Variants in KCNH5 observed in about 807,000 individuals in gnomAD.
KCNH5 encodes potassium voltage-gated channel subfamily H member 5.
KCNH5 carries 46 observed loss-of-function variants against 96.1 expected under a neutral mutation model. The ratio of observed to expected loss-of-function variants is 0.48; its 90% CI spans 0.38 to 0.61. KCNH5 has a LOEUF of 0.61. Among genes scored for constraint, KCNH5 ranks in the 20% least tolerant of loss-of-function variants. The pLI, the probability that KCNH5 is intolerant of heterozygous loss-of-function variation, is 0.00. For missense variants in KCNH5, 907 were observed against 1,225.8 expected (o/e 0.74, Z 3.88); for synonymous variants, 439 against 449.8 (o/e 0.98, Z 0.30).
chr14:62,929,342 A>T (rs1238186128), intron 7 of KCNH5, among the ~76,000 whole-genome samples: 1 of 152,068 alleles, frequency 6.6e-6, no homozygotes. Context: ...TGATTGCAAT[A>T]GCCTCCCTGA....
chr14:62,966,122 T>A (rs534975764), intron 6 of KCNH5, among the ~76,000 whole-genome samples: 1 of 152,256 alleles, frequency 6.6e-6, no homozygotes, highest in Middle Eastern at 3.4e-3. Flanking sequence ...GATGACTGAT[T>A]TTTCCTGACA....
intron 8 of KCNH5, among the ~76,000 whole-genome samples, chr14:62,845,930 T>C (rs1287552117): frequency 5.3e-5 from 8 of 151,942 alleles, no homozygotes; most frequent in Non-Finnish European, 1.2e-4. Context: ...AAGAATGGAA[T>C]ACAGACAGAA....
In KCNH5 at chr14:62,724,765, G is replaced by A. The variant is rs147569272; in HGVS notation, c.2020-16310C>T. On this transcript the variant is annotated intron_variant, in intron 10 of 10. Coordinates refer to ENST00000322893, the MANE Select transcript of KCNH5 (RefSeq NM_139318.5). ...AGTACTAGCTAATAACTTTGTTGCTGTAGTGTTGAACTTTAATTATTTAAG... is the reference window on the plus strand; with the variant it reads ...AGTACTAGCTAATAACTTTGTTGCTATAGTGTTGAACTTTAATTATTTAAG... Among the ~76,000 whole-genome samples the A allele has an allele frequency of 3.7e-3, 561 of 152,316 alleles. 3 individuals are homozygous for A. Among genetic ancestry groups the A allele is most frequent in the African/African-American group, 0.013 (527 of 41,566 alleles).
intron 1 of KCNH5, among the ~76,000 whole-genome samples, chr14:63,031,492 C>T (rs549005881): frequency 2.0e-4 from 30 of 152,098 alleles, no homozygotes; most frequent in African/African-American, 6.5e-4. Context: ...ATGATTTCCT[C>T]GAGCTGCTCC....
At chr14:63,040,313 A>G (rs2139633314) in intron 1 of KCNH5, among the ~76,000 whole-genome samples, 1 of 152,248 alleles carries the variant, frequency 6.6e-6, no homozygotes, top group East Asian at 1.9e-4. Flanking sequence ...GGCAATTTCT[A>G]GTGAAGATAA....
chr14:62,818,589 C>G (rs1437944954), intron 8 of KCNH5, among the ~76,000 whole-genome samples: 1 of 152,134 alleles, frequency 6.6e-6, no homozygotes, highest in East Asian at 1.9e-4. Context: ...TAGCATACCA[C>G]TACTCAAAAC....
chr14:62,713,457 A>T (rs1884616776), intron 10 of KCNH5, among the ~76,000 whole-genome samples: 1 of 152,204 alleles, frequency 6.6e-6, no homozygotes, highest in African/African-American at 2.4e-5. Flanking sequence ...TTGAATCAGA[A>T]CCTGCTTTGA....
chr14:62,833,699 G>C (rs1887407570), intron 8 of KCNH5, among the ~76,000 whole-genome samples: 1 of 151,922 alleles, frequency 6.6e-6, no homozygotes, highest in South Asian at 2.1e-4. Flanking sequence ...AGAATTGATT[G>C]ATGTGGTGTA....
At chr14:62,842,828 G>A (rs985815075) in intron 8 of KCNH5, among the ~76,000 whole-genome samples, 1 of 152,092 alleles carries the variant, frequency 6.6e-6, no homozygotes, top group African/African-American at 2.4e-5. Flanking sequence ...AAAATAATTA[G>A]TGAATTATTA....
At chr14:62,724,941 A>T (rs1421743087) in intron 10 of KCNH5, among the ~76,000 whole-genome samples, 2 of 152,246 alleles carry the variant, frequency 1.3e-5, no homozygotes, top group Non-Finnish European at 2.9e-5. Flanking sequence ...ACACACAGCA[A>T]AGCCGGCAGA....
At chr14:62,893,046 T>C (rs1888743062) in intron 7 of KCNH5, among the ~76,000 whole-genome samples, 1 of 152,184 alleles carries the variant, frequency 6.6e-6, no homozygotes. Context: ...ATAATATATT[T>C]CATAAGGCTA....
intron 7 of KCNH5, among the ~76,000 whole-genome samples, chr14:62,928,829 T>A (rs926830200): frequency 5.9e-5 from 9 of 152,102 alleles, no homozygotes; most frequent in Non-Finnish European, 8.8e-5. Flanking sequence ...TCACCTCATC[T>A]CACTGACCAC....
intron 10 of KCNH5, among the ~76,000 whole-genome samples, chr14:62,762,538 C>A (rs1322483520): frequency 6.6e-6 from 1 of 152,150 alleles, no homozygotes; most frequent in East Asian, 1.9e-4. Context: ...TTTGTTGGTG[C>A]ATGCATGTGC....
chr14:62,790,747 A>AT (rs926378207), intron 9 of KCNH5, among the ~76,000 whole-genome samples: 5 of 151,274 alleles, frequency 3.3e-5, no homozygotes, highest in East Asian at 1.9e-4. Flanking sequence ...TGTAAGTGAG[A>AT]TTTTTTTCTT....
intron 8 of KCNH5, among the ~76,000 whole-genome samples, chr14:62,811,477 C>T (rs1886871808): frequency 6.6e-6 from 1 of 152,182 alleles, no homozygotes; most frequent in Non-Finnish European, 1.5e-5. Context: ...GTCCCATCTT[C>T]CCTTTCTCTG....
At chr14:62,804,878 T>A (rs1383715561) in intron 8 of KCNH5, among the ~76,000 whole-genome samples, 1 of 152,202 alleles carries the variant, frequency 6.6e-6, no homozygotes, top group African/African-American at 2.4e-5. Flanking sequence ...CTACAGAGTT[T>A]ATTGTTGCTT....
intron 10 of KCNH5, among the ~76,000 whole-genome samples, chr14:62,749,705 G>A (rs937555499): frequency 6.6e-6 from 1 of 152,082 alleles, no homozygotes; most frequent in Non-Finnish European, 1.5e-5. Context: ...TTTCCCTTAG[G>A]GGCCACTCGA....
At chr14:62,726,719 A>G (rs1395950768) in intron 10 of KCNH5, among the ~76,000 whole-genome samples, 1 of 152,212 alleles carries the variant, frequency 6.6e-6, no homozygotes, top group Non-Finnish European at 1.5e-5. Context: ...CTGAAGATAT[A>G]CACACTATAG....
At chr14:62,956,160 T>A (rs1890100152) in intron 6 of KCNH5, among the ~76,000 whole-genome samples, 1 of 152,142 alleles carries the variant, frequency 6.6e-6, no homozygotes, top group Admixed American at 6.6e-5. Context: ...GCCAGGTCAT[T>A]TCCCTCTATG....
Sources: allele counts gnomAD v4.1 joint callset (sites outside exome capture counted in the v4.1 genomes callset), GRCh38; gene constraint gnomAD v4.1.1; transcripts MANE v1.5; gene names NCBI Gene and HGNC (gene_info 2026-07-23, HGNC 2026-07-21).